SYNE1: variants seen among roughly 807,000 people sequenced by gnomAD.
SYNE1 encodes nesprin-1.
A neutral mutation model predicts 1,111.0 loss-of-function variants in SYNE1; 616 were observed. The ratio of observed to expected loss-of-function variants is 0.55; its 90% confidence interval spans 0.52 to 0.59. SYNE1 has a LOEUF of 0.59. SYNE1 is among the 20% of genes least tolerant of loss of function. The pLI is 0.00. For synonymous variants in SYNE1, 3,855 were observed against 3,825.8 expected (o/e 1.01, Z -0.28); for missense variants, 10,006 against 10,417.0 (o/e 0.96, Z 1.72).
At chr6:152,267,874 G>T (rs766457355) in intron 100 of SYNE1, among the ~76,000 whole-genome samples, 182 bp downstream of exon 100, 3 of 152,128 alleles carry the variant, frequency 2.0e-5, no homozygotes, top group Non-Finnish European at 4.4e-5. Flanking sequence ...TACTACAGGC[G>T]CTATGCTCAG....
chr6:152,249,546 C>A (rs981401049), intron 104 of SYNE1, among the ~76,000 whole-genome samples: 1 of 152,100 alleles, frequency 6.6e-6, no homozygotes, highest in Admixed American at 6.5e-5. Flanking sequence ...TCATTACATC[C>A]GAAATAAATG....
intron 53 of SYNE1, among the ~76,000 whole-genome samples, chr6:152,390,013 G>T (rs1396101146): frequency 6.6e-6 from 1 of 152,140 alleles, no homozygotes; most frequent in East Asian, 1.9e-4. Flanking sequence ...GAGATGTTTT[G>T]CTGAGCCCAT....
intron 32 of SYNE1, among the ~76,000 whole-genome samples, chr6:152,438,181 G>T (rs995203538): frequency 3.9e-5 from 6 of 152,146 alleles, no homozygotes; most frequent in Admixed American, 6.5e-5. Context: ...AGCACCCACT[G>T]TTACTATATC....
chr6:152,291,099 T>C (rs1005197942), intron 95 of SYNE1, among the ~76,000 whole-genome samples: 5 of 141,458 alleles, frequency 3.5e-5, no homozygotes, highest in Admixed American at 2.8e-4. Context: ...TATATTAATA[T>C]GATATATTAA....
At chr6:152,379,538 G>A (rs569285543) in intron 56 of SYNE1, among the ~76,000 whole-genome samples, 1 of 152,048 alleles carries the variant, frequency 6.6e-6, no homozygotes, top group South Asian at 2.1e-4. Flanking sequence ...AAGAACCCTA[G>A]CATATTTACT....
At chr6:152,155,189 C>G in intron 132 of SYNE1, 147 bp from the exon 133 acceptor site, 1 of 902,638 alleles carries the variant, frequency 1.1e-6, no homozygotes, top group Non-Finnish European at 1.7e-6. Context: ...CAAATTTGAC[C>G]AGAGAGCAAG....
Position 152,122,446 on chromosome 6 carries a change from G to C in SYNE1, c.26384C>G (p.Pro8795Arg). The change falls in exon 146 of 146, where the codon CCT (proline) becomes CGT (arginine). Residue 8795 changes from proline (P) to arginine (R), a missense_variant. This residue lies in a region of SYNE1 where 761 missense variants were observed against 795.5 expected (regional missense o/e 0.96). Transcript: ENST00000367255. ...TGGCATCTGCTTAGTTCAGAGTGGAGGAGGGCCATTCGTGTATCTGAGCAT... is the reference window on the plus strand; with the variant it reads ...TGGCATCTGCTTAGTTCAGAGTGGACGAGGGCCATTCGTGTATCTGAGCAT... ...HPMLRYTNGP[P>R]PL The C allele has an allele frequency of 6.2e-7, 1 of 1,614,164 alleles. No homozygotes were observed. The highest frequency in any genetic ancestry group is 1.1e-5 in the South Asian group (1 of 91,084).
chr6:152,311,923 C>T (rs1485831854), intron 87 of SYNE1, among the ~76,000 whole-genome samples: 1 of 152,028 alleles, frequency 6.6e-6, no homozygotes, highest in South Asian at 2.1e-4. Flanking sequence ...CTACACGCAC[C>T]CAGGTGCCCG....
chr6:152,330,317 G>T lies in SYNE1; in HGVS notation c.14368C>A (p.Leu4790Met). ...TTTACAGACTTCAGTTGTCTCTCCA[G>T]CTGTTGGCACATCTTCTCGTGTTCT... ...YQEHEKMCQQ[L>M]ERQLKSVKEE... Residue 4790 changes from leucine to methionine, a missense_variant, in exon 78 of 146, where the codon CTG (leucine) becomes ATG (methionine). Physicochemically the swap from Leu to Met is conservative, Grantham distance 15. Coordinates refer to ENST00000367255, the MANE Select transcript of SYNE1 (RefSeq NM_182961.4). 1 of 1,614,130 alleles carries T rather than the reference G, an allele frequency of 6.2e-7. No individual in the cohort carries two copies. The highest frequency in any genetic ancestry group is 2.2e-5 in the East Asian group (1 of 44,882).
In SYNE1 at chr6:152,321,390, T is replaced by A. The variant is rs1210822746; in HGVS notation, c.16084A>T (p.Ile5362Phe). 6.2e-7 allele frequency: 1 copy of A among 1,613,646 alleles called. No homozygotes were observed. Among genetic ancestry groups the A allele is most frequent in the South Asian group, 1.1e-5 (1 of 91,058 alleles). The change falls in exon 84 of 146, where the codon ATT becomes TTT. Residue 5362 changes from isoleucine (I) to phenylalanine (F), a missense_variant and splice_region_variant. Physicochemically the swap from Ile to Phe is conservative, Grantham distance 21. Coordinates refer to ENST00000367255, the MANE Select transcript of SYNE1 (RefSeq NM_182961.4). ...EIDAQLEELQ[I>F]LLTEATNHRQ... is the part of the protein sequence containing the mutation. ...TGATTTGTGGCTTCTGTTAGGAGAA[T>A]CTGAAGAAAAGATCAAAATAAGAAA...
intron 2 of SYNE1, among the ~76,000 whole-genome samples, chr6:152,633,350 A>T (rs1034746427): frequency 5.3e-5 from 8 of 152,198 alleles, no homozygotes; most frequent in African/African-American, 1.9e-4. Flanking sequence ...ATTATTTCAC[A>T]ATAAATATGT....
At chr6:152,569,293 T>C (rs1008793910) in intron 3 of SYNE1, among the ~76,000 whole-genome samples, 5 of 152,184 alleles carry the variant, frequency 3.3e-5, no homozygotes, top group Admixed American at 2.0e-4. Flanking sequence ...CCAGCATGCA[T>C]CCAATTTCCT....
intron 140 of SYNE1, 74 bp from the exon 141 acceptor site, chr6:152,136,892 T>C: frequency 1.3e-6 from 2 of 1,536,840 alleles, no homozygotes; most frequent in South Asian, 1.1e-5. Context: ...ATGTTTCACA[T>C]GAATGAAAAG....
At chr6:152,574,993 T>C (rs765948500) in intron 3 of SYNE1, among the ~76,000 whole-genome samples, 1 of 152,232 alleles carries the variant, frequency 6.6e-6, no homozygotes, top group Non-Finnish European at 1.5e-5. Flanking sequence ...AGAATAACCA[T>C]TGGAATTATG....
intron 3 of SYNE1, among the ~76,000 whole-genome samples, chr6:152,605,851 A>G (rs2128723819): frequency 6.6e-6 from 1 of 152,110 alleles, no homozygotes; most frequent in Non-Finnish European, 1.5e-5. Context: ...TTGGATGTGT[A>G]TGTGTTCATT....
At chr6:152,125,357 G>T (rs1314675932) in intron 145 of SYNE1, 1 of 1,549,598 alleles carries the variant, frequency 6.5e-7, no homozygotes, top group Non-Finnish European at 8.7e-7. Flanking sequence ...AAAGCCTCTG[G>T]TCATAAGGCC....
intron 44 of SYNE1, 90 bp from the exon 45 acceptor site, chr6:152,407,286 A>G: frequency 7.7e-7 from 1 of 1,301,400 alleles, no homozygotes; most frequent in Non-Finnish European, 1.1e-6. Context: ...TTTTATCAGA[A>G]AAGTATATTC....
intron 105 of SYNE1, among the ~76,000 whole-genome samples, chr6:152,246,125 A>G (rs148488719): frequency 1.4e-3 from 206 of 152,314 alleles, no homozygotes; most frequent in African/African-American, 4.9e-3. Context: ...TAAATGGTCC[A>G]TAGAGACCAT....
At chr6:152,128,583 C>G (rs1057167480) in intron 145 of SYNE1, 1 of 152,190 alleles carries the variant, frequency 6.6e-6, no homozygotes, top group African/African-American at 2.4e-5. Flanking sequence ...ACAAAGAAAC[C>G]AAATGAGTAA....
Sources: allele counts gnomAD v4.1 joint callset (sites outside exome capture counted in the v4.1 genomes callset), GRCh38; gene constraint gnomAD v4.1.1; regional missense constraint gnomAD v4.1.1; transcripts MANE v1.5; gene names NCBI Gene and HGNC (gene_info 2026-07-23, HGNC 2026-07-21).